The following LIN54 variants were observed in gnomAD, a reference collection of about 807,000 sequenced individuals.
LIN54 encodes the protein protein lin-54 homolog.
A neutral mutation model predicts 78.7 loss-of-function variants in LIN54; 9 were observed. The observed-to-expected ratio is 0.11, with a 90% CI of 0.07 to 0.20. The LOEUF (loss-of-function observed/expected upper bound fraction) is 0.20. Ranked by LOEUF, LIN54 falls within the 10% of genes least tolerant of loss-of-function variation. LIN54 has a pLI of 1.00. For synonymous variants in LIN54, 269 were observed against 318.4 expected (o/e 0.84, Z 1.65); for missense variants, 573 against 889.9 (o/e 0.64, Z 4.53).
chr4:82,984,179 T>G lies in LIN54; in HGVS notation c.666A>C (p.Gln222His), dbSNP rs548243981. 1.2e-5 allele frequency: 20 copies of G among 1,611,242 alleles called. No individual in the cohort carries two copies. The African/African-American group carries it at 2.3e-4, about 18-fold the overall frequency. Residue 222 changes from glutamine (Q) to histidine (H), a missense_variant, in exon 2 of 13, where the codon CAA becomes CAC. By Grantham distance (24) the Gln-to-His change is conservative. Transcript: ENST00000340417. Reference sequence around the variant, plus strand: ...CTTTTACCTGTACTGTTTTTAACTGTTGGGTCTGTAACACAGAGGGCTGAG... The same window carrying G: ...CTTTTACCTGTACTGTTTTTAACTGGTGGGTCTGTAACACAGAGGGCTGAG... ...TTTQPSVLQT[Q>H]QLKTVQIAKK...
intron 1 of LIN54, among the ~76,000 whole-genome samples, chr4:82,989,956 A>G (rs1277823921): frequency 2.6e-5 from 4 of 152,178 alleles, no homozygotes; most frequent in Non-Finnish European, 4.4e-5. Flanking sequence ...CAACAACCAA[A>G]GCACCATTCA....
chr4:82,969,637 G>C (rs1725484360), intron 4 of LIN54, among the ~76,000 whole-genome samples: 1 of 152,180 alleles, frequency 6.6e-6, no homozygotes, highest in African/African-American at 2.4e-5. Flanking sequence ...AAGAAAGCAG[G>C]TGCAAAGGGC....
At position 83,010,772 on chromosome 4, in the gene LIN54, A is replaced by C; in HGVS notation, c.-321T>G. The C allele has an allele frequency of 3.2e-6, 4 of 1,232,282 alleles. No individual in the cohort carries two copies. Among genetic ancestry groups the C allele is most frequent in the Non-Finnish European group, 4.0e-6 (4 of 988,748 alleles). 76.3% of individuals were successfully genotyped at this position (1,232,282 alleles called of 1,614,324 possible). A position where few individuals can be genotyped will look rare whatever the true frequency, so the allele number is the denominator to read the frequency against. On this transcript the variant is annotated 5_prime_UTR_variant, in exon 1 of 13. Coordinates refer to ENST00000340417, the MANE Select transcript of LIN54 (RefSeq NM_194282.4). Reference sequence around the variant, plus strand: ...CTCGTCATCACCATCACAGCTCAGCAGCTTCCCCGACAGCCGGAGCCCGGG... The same window carrying C: ...CTCGTCATCACCATCACAGCTCAGCCGCTTCCCCGACAGCCGGAGCCCGGG...
Position 82,938,390 on chromosome 4 carries a change from G to A in LIN54, c.1532+23C>T, listed in dbSNP as rs1483415764. On this transcript the variant is annotated intron_variant, in intron 8 of 12. Transcript: ENST00000340417. ...CATTTAAGCTGATCTAACAACTTAT[G>A]TACCTATTTTCAAAATACTCACCCA... 3.1e-6 allele frequency: 4 copies of A among 1,286,832 alleles called. No homozygotes were observed. In the Admixed American group the frequency reaches 5.1e-5, roughly 16 times the overall value. The allele number at this position is 1,286,832 out of a possible 1,614,324, so 79.7% of individuals were successfully genotyped here.
At chr4:82,990,708 C>T (rs1217653655) in intron 1 of LIN54, among the ~76,000 whole-genome samples, 1 of 152,070 alleles carries the variant, frequency 6.6e-6, no homozygotes, top group Non-Finnish European at 1.5e-5. Context: ...TGGTCTCGAT[C>T]TCCTGACCTC....
rs948121483 is a variant in LIN54 at position 82,925,786 on chromosome 4, A to C, written c.*2316T>G. ...TGCTGTCCTGTTTTTACAATATAGA[A>C]AAGTGTATTCTTTGAATAGCTCTAG... is the stretch of plus-strand genomic sequence containing the variant. On this transcript the variant is annotated 3_prime_UTR_variant, in exon 13 of 13. Transcript: ENST00000340417. The C allele has an allele frequency of 6.6e-6, 1 of 152,634 alleles. No homozygotes were observed. Among genetic ancestry groups the C allele is most frequent in the Non-Finnish European group, 1.5e-5 (1 of 68,020 alleles). The allele number at this position is 152,634 out of a possible 1,614,324, so 9.5% of individuals were successfully genotyped here.
chr4:82,972,994 C>G (rs571322279), intron 3 of LIN54, among the ~76,000 whole-genome samples: 30 of 150,302 alleles, frequency 2.0e-4, no homozygotes, highest in Admixed American at 7.3e-4. Flanking sequence ...ATCCGCAATT[C>G]CTGAGGATAA....
chr4:82,943,073 C>T (rs915154743), intron 5 of LIN54, among the ~76,000 whole-genome samples: 1 of 152,052 alleles, frequency 6.6e-6, no homozygotes, highest in Non-Finnish European at 1.5e-5. Flanking sequence ...CTAGGTCAAC[C>T]ATCTGCATTT....
chr4:82,947,207 T>TTATATATATATATATA (rs1207992875), intron 4 of LIN54, among the ~76,000 whole-genome samples: 1 of 76,208 alleles, frequency 1.3e-5, no homozygotes, highest in African/African-American at 5.7e-5. Context: ...AAAAAAAAAT[T>TTATATATATATATATA]TATATATATA....
chr4:82,978,054 A>G (rs1421803398), intron 3 of LIN54, among the ~76,000 whole-genome samples: 1 of 151,644 alleles, frequency 6.6e-6, no homozygotes, highest in African/African-American at 2.4e-5. Flanking sequence ...GAGGACAGGA[A>G]AGGAATGATT....
At chr4:82,928,932 G>T (rs1389262267) in intron 12 of LIN54, among the ~76,000 whole-genome samples, 6 of 152,200 alleles carry the variant, frequency 3.9e-5, no homozygotes, top group African/African-American at 1.4e-4. Flanking sequence ...TTAAATTGGA[G>T]CAACCCATCG....
chr4:82,975,875 A>C (rs984958400), intron 3 of LIN54, among the ~76,000 whole-genome samples: 1 of 152,218 alleles, frequency 6.6e-6, no homozygotes, highest in Admixed American at 6.5e-5. Flanking sequence ...GTTTAAGATA[A>C]GTACTTGGTA....
At chr4:83,011,989 G>A (rs1021696134), upstream of LIN54, 14 of 979,804 alleles carry the variant, frequency 1.4e-5, no homozygotes, top group Non-Finnish European at 1.2e-5. Flanking sequence ...GGTTGAAGTT[G>A]AAGTTGAAAA....
chr4:83,007,614 G>A (rs976130265), intron 1 of LIN54, among the ~76,000 whole-genome samples: 14 of 152,294 alleles, frequency 9.2e-5, no homozygotes, highest in East Asian at 1.9e-4. Context: ...ATGGCCAGGC[G>A]TGGTGGCTAA....
At chr4:83,008,377 G>A (rs927271599) in intron 1 of LIN54, among the ~76,000 whole-genome samples, 4 of 152,164 alleles carry the variant, frequency 2.6e-5, no homozygotes, top group South Asian at 4.1e-4. Flanking sequence ...TCGGCCGGGC[G>A]CAGTGGCTCA....
intron 1 of LIN54, among the ~76,000 whole-genome samples, chr4:83,007,762 G>A (rs2126117028): frequency 6.6e-6 from 1 of 152,104 alleles, no homozygotes; most frequent in Non-Finnish European, 1.5e-5. Flanking sequence ...GGGGGCCCAA[G>A]CCTGTGGTCC....
intron 1 of LIN54, among the ~76,000 whole-genome samples, chr4:82,988,631 C>G (rs943717338): frequency 6.6e-6 from 1 of 152,162 alleles, no homozygotes; most frequent in Non-Finnish European, 1.5e-5. Context: ...AAACTATTTC[C>G]CAACTTAGCT....
intron 4 of LIN54, among the ~76,000 whole-genome samples, chr4:82,958,896 T>C (rs939289458): frequency 2.0e-5 from 3 of 152,068 alleles, no homozygotes; most frequent in Non-Finnish European, 4.4e-5. Context: ...GAGACGGGGT[T>C]TCACCGTGTT....
Position 82,927,855 on chromosome 4 carries a change from A to C in LIN54, c.*247T>G, listed in dbSNP as rs1721609587. 1 of 402,828 alleles carries C rather than the reference A, an allele frequency of 2.5e-6. No individual in the cohort carries two copies. The highest frequency in any genetic ancestry group is 4.1e-5 in the East Asian group (1 of 24,340). 25.0% of individuals were successfully genotyped at this position (402,828 alleles called of 1,614,324 possible). ...AGAACATCTAATTCTTAAGAAACCC[A>C]AGCAAATTAAAAAATCTATATAATA... is the stretch of plus-strand genomic sequence containing the variant. On this transcript the variant is annotated 3_prime_UTR_variant, in exon 13 of 13. Transcript: ENST00000340417.
Sources: allele counts gnomAD v4.1 joint callset (sites outside exome capture counted in the v4.1 genomes callset), GRCh38; gene constraint gnomAD v4.1.1; transcripts MANE v1.5; gene names NCBI Gene and HGNC (gene_info 2026-07-23, HGNC 2026-07-21).